ELAVL4: variants seen among roughly 807,000 people sequenced by gnomAD.
ELAVL4 encodes ELAV like RNA binding protein 4, also known as ELAV-like protein 4.
In ELAVL4, 1 loss-of-function variant was observed where a neutral mutation model predicts 35.6. The observed-to-expected ratio is 0.03, with a 90% CI of 0.01 to 0.13. The LOEUF is 0.13. ELAVL4 is among the 10% of genes least tolerant of loss of function. The probability of loss-of-function intolerance (pLI) is 1.00; values close to 1 mark genes in which losing one functional copy is unlikely to be tolerated. For synonymous variants in ELAVL4, 156 were observed against 171.0 expected, an observed-to-expected ratio of 0.91 and a Z score of 0.69; for missense variants, 267 against 464.9, an observed-to-expected ratio of 0.57 and a Z score of 3.91.
intron 1 of ELAVL4, among the ~76,000 whole-genome samples, chr1:50,078,218 C>T (rs1418144538): frequency 6.6e-6 from 1 of 151,694 alleles, no homozygotes; most frequent in East Asian, 1.9e-4. Context: ...ACAGTGATTA[C>T]ACAGAGAGCA....
intron 4 of ELAVL4, 124 bp downstream of exon 4, chr1:50,194,042 G>C (rs1683070963): frequency 1.3e-5 from 16 of 1,254,952 alleles, no homozygotes; most frequent in Non-Finnish European, 1.7e-5. Context: ...ACAGATTTTT[G>C]ACTTGGAAGA....
chr1:50,048,640 G>A (rs1157023774), intron 1 of ELAVL4, among the ~76,000 whole-genome samples: 1 of 152,188 alleles, frequency 6.6e-6, no homozygotes, highest in Non-Finnish European at 1.5e-5. Context: ...CCGAGGCGCT[G>A]GGCGCGCGGA....
At chr1:50,183,095 T>C (rs1288117314) in intron 3 of ELAVL4, among the ~76,000 whole-genome samples, 1 of 152,122 alleles carries the variant, frequency 6.6e-6, no homozygotes, top group African/African-American at 2.4e-5. Context: ...TGACCTCAAG[T>C]GATCTGCCCA....
chr1:50,152,248 C>T (rs534474601), intron 2 of ELAVL4, among the ~76,000 whole-genome samples: 67 of 152,190 alleles, frequency 4.4e-4, no homozygotes, highest in African/African-American at 1.3e-3. Context: ...CTCAGATAAC[C>T]GTAGGAAAGT....
chr1:50,082,369 A>T (rs1243935251), intron 1 of ELAVL4, among the ~76,000 whole-genome samples: 4 of 152,206 alleles, frequency 2.6e-5, no homozygotes, highest in Non-Finnish European at 5.9e-5. Flanking sequence ...AAAGATCGCC[A>T]TTCTAACTGG....
At chr1:50,050,030 T>C (rs1423225317) in intron 1 of ELAVL4, among the ~76,000 whole-genome samples, 4 of 152,206 alleles carry the variant, frequency 2.6e-5, no homozygotes, top group African/African-American at 9.7e-5. Flanking sequence ...CAATATAGTT[T>C]AGCATGAGAG....
intron 1 of ELAVL4, among the ~76,000 whole-genome samples, chr1:50,087,758 T>C (rs2148502358): frequency 6.6e-6 from 1 of 152,258 alleles, no homozygotes; most frequent in South Asian, 2.1e-4. Flanking sequence ...GAGAGATCTT[T>C]CTCTCCACCA....
chr1:50,094,927 C>G (rs1179037109), intron 1 of ELAVL4, among the ~76,000 whole-genome samples: 1 of 151,568 alleles, frequency 6.6e-6, no homozygotes, highest in Non-Finnish European at 1.5e-5. Flanking sequence ...GAGACTCCAT[C>G]TCAAAAATAA....
chr1:50,183,780 G>A (rs1430532885), intron 3 of ELAVL4, among the ~76,000 whole-genome samples: 2 of 152,004 alleles, frequency 1.3e-5, no homozygotes, highest in Non-Finnish European at 2.9e-5. Context: ...CTTTGCATTC[G>A]GCATAAGCAA....
In ELAVL4 at chr1:50,161,785, G is replaced by T. The variant is rs1325735843; in HGVS notation, c.251-15304G>T. Among the ~76,000 whole-genome samples, 3 of 152,174 alleles carry T rather than the reference G, an allele frequency of 2.0e-5. No individual in the cohort carries two copies. The East Asian group carries it at 5.8e-4, about 29-fold the overall frequency. On this transcript the variant is annotated intron_variant, in intron 2 of 6. Transcript: ENST00000371824. ...CTGCCATGCAGCCTGGAGTGCAAGG[G>T]CAGGATCGTGGCTCCCTGCACCTCC... is the stretch of plus-strand genomic sequence containing the variant.
chr1:50,063,009 C>T (rs1664076583), intron 1 of ELAVL4, among the ~76,000 whole-genome samples: 1 of 152,148 alleles, frequency 6.6e-6, no homozygotes, highest in Non-Finnish European at 1.5e-5. Context: ...TCTCTGTCCT[C>T]AAGAAGGTTT....
intron 1 of ELAVL4, among the ~76,000 whole-genome samples, chr1:50,137,677 G>A (rs1672113279): frequency 6.6e-6 from 1 of 152,076 alleles, no homozygotes; most frequent in Non-Finnish European, 1.5e-5. Context: ...TCTCTTCTCT[G>A]ACATGTGGAC....
intron 3 of ELAVL4, among the ~76,000 whole-genome samples, chr1:50,188,612 C>A (rs1243609877): frequency 6.6e-6 from 1 of 152,202 alleles, no homozygotes; most frequent in Non-Finnish European, 1.5e-5. Context: ...CTTTGACAGA[C>A]TGACACACCC....
Position 50,144,997 on chromosome 1 carries a change from C to T in ELAVL4, c.50C>T (p.Thr17Ile). Residue 17 changes from threonine to isoleucine, a missense_variant, in exon 2 of 7, where the codon ACA becomes ATA. Thr to Ile is a moderately conservative substitution (Grantham distance 89). This residue lies in a region of ELAVL4 where 51 missense variants were observed against 55.4 expected (regional missense o/e 0.92). Coordinates refer to ENST00000371824, the MANE Select transcript of ELAVL4 (RefSeq NM_001144774.3). ...GAGCCTCAGGTGTCAAATGGTCCGA[C>T]ATCCAATACAAGCAATGGACCCTCC... ...TMEPQVSNGP[T>I]SNTSNGPSSN... is the part of the protein sequence containing the mutation. The T allele has an allele frequency of 6.2e-7, 1 of 1,613,836 alleles. No individual in the cohort carries two copies. Among genetic ancestry groups the T allele is most frequent in the Admixed American group, 1.7e-5 (1 of 59,992 alleles).
intron 3 of ELAVL4, among the ~76,000 whole-genome samples, chr1:50,181,586 G>A (rs945353918): frequency 1.3e-5 from 2 of 152,200 alleles, no homozygotes; most frequent in Non-Finnish European, 2.9e-5. Flanking sequence ...TTTCAGCCCT[G>A]AGCCCAGCCC....
intron 1 of ELAVL4, among the ~76,000 whole-genome samples, chr1:50,085,430 A>G (rs763319433): frequency 5.9e-5 from 9 of 152,196 alleles, no homozygotes; most frequent in Non-Finnish European, 8.8e-5. Context: ...CTTGTGGCCA[A>G]GGGTTCTAGA....
chr1:50,082,520 T>A (rs1037150789), intron 1 of ELAVL4, among the ~76,000 whole-genome samples: 5 of 152,122 alleles, frequency 3.3e-5, no homozygotes, highest in Non-Finnish European at 5.9e-5. Flanking sequence ...TTTAATGGGG[T>A]TGTTTGTTTT....
At chr1:50,144,089 T>A (rs966727331) in intron 1 of ELAVL4, among the ~76,000 whole-genome samples, 1 of 152,216 alleles carries the variant, frequency 6.6e-6, no homozygotes, top group African/African-American at 2.4e-5. Context: ...CTATACCAGC[T>A]GTTTACCTGT....
chr1:50,133,302 T>C (rs569901353), intron 1 of ELAVL4, among the ~76,000 whole-genome samples: 5 of 152,158 alleles, frequency 3.3e-5, no homozygotes, highest in Non-Finnish European at 5.9e-5. Context: ...ATCTTAGAAC[T>C]TGACAGTTGC....
Sources: allele counts gnomAD v4.1 joint callset (sites outside exome capture counted in the v4.1 genomes callset), GRCh38; gene constraint gnomAD v4.1.1; regional missense constraint gnomAD v4.1.1; transcripts MANE v1.5; gene names NCBI Gene and HGNC (gene_info 2026-07-23, HGNC 2026-07-21).